Variants in DCAKD observed in about 807,000 individuals in gnomAD.
DCAKD encodes the protein dephospho-CoA kinase domain containing.
DCAKD carries 15 observed loss-of-function variants against 18.7 expected under a neutral mutation model. The observed-to-expected ratio is 0.80, with a 90% confidence interval of 0.54 to 1.24. The LOEUF (loss-of-function observed/expected upper bound fraction) is 1.24, where lower values mean the gene tolerates loss of function less well. Among genes scored for constraint, DCAKD ranks in the 50% most tolerant of loss-of-function variants. The probability of loss-of-function intolerance (pLI) is 0.00; values close to 1 mark genes in which losing one functional copy is unlikely to be tolerated. For missense variants in DCAKD, 301 were observed against 322.0 expected, an observed-to-expected ratio of 0.93 and a Z score of 0.50; for synonymous variants, 130 against 133.0, an observed-to-expected ratio of 0.98 and a Z score of 0.16.
chr17:45,036,660 GA>G lies in DCAKD; in HGVS notation c.-114-1662del, dbSNP rs538393645. 7.0e-4 allele frequency among the ~76,000 whole-genome samples: 101 copies of G among 144,728 alleles called. 2 individuals are homozygous for G. The South Asian group carries it at 0.014, about 19-fold the overall frequency. 94.9% of individuals were successfully genotyped at this position (144,728 alleles called of 152,430 possible). On this transcript the variant is annotated intron_variant, in intron 1 of 4. Coordinates refer to ENST00000651974, the MANE Select transcript of DCAKD (RefSeq NM_001288655.2). ...CAGTTCCACTGCAAGGCATAGAAAG[GA>G]AAAAAAAAAAGACTTTCATGAAATC...
At chr17:45,031,407 G>A (rs1842100911) in intron 3 of DCAKD, 1 of 966,448 alleles carries the variant, frequency 1.0e-6, no homozygotes, top group African/African-American at 1.8e-5. Context: ...GCCCCCTTTT[G>A]TGTAAACCTC....
intron 1 of DCAKD, among the ~76,000 whole-genome samples, chr17:45,058,595 T>C (rs2053812778): frequency 6.6e-6 from 1 of 151,860 alleles, no homozygotes. Context: ...AATTTTTTTG[T>C]ATTTTCAGTA....
intron 1 of DCAKD, among the ~76,000 whole-genome samples, chr17:45,041,440 AGCTGAG>A (rs2053433918): frequency 6.6e-6 from 1 of 151,822 alleles, no homozygotes; most frequent in Non-Finnish European, 1.5e-5. Context: ...CCTCCCAAGC[AGCTGAG>A]GCTACAGGCG....
At chr17:45,056,726 T>C (rs1226563482) in intron 1 of DCAKD, among the ~76,000 whole-genome samples, 1 of 152,098 alleles carries the variant, frequency 6.6e-6, no homozygotes, top group African/African-American at 2.4e-5. Flanking sequence ...CCGCCTGCCT[T>C]GGCCTCCCAA....
At chr17:45,057,090 C>T (rs1369740346) in intron 1 of DCAKD, among the ~76,000 whole-genome samples, 4 of 152,092 alleles carry the variant, frequency 2.6e-5, no homozygotes, top group East Asian at 1.9e-4. Flanking sequence ...TATATAGAGA[C>T]GGGGCCTTGC....
chr17:45,034,968 G>A lies in DCAKD; in HGVS notation c.-83C>T, dbSNP rs2053261358. ...GAGAGCAGGGCAAGTGTGGCCGATG[G>A]GGGCGGTCCACCAGAGGAGTGCCAG... On this transcript the variant is annotated 5_prime_UTR_variant, in exon 2 of 5. Coordinates refer to ENST00000651974, the MANE Select transcript of DCAKD (RefSeq NM_001288655.2). 3 of 1,454,864 alleles carry A rather than the reference G, an allele frequency of 2.1e-6. No individual in the cohort carries two copies. The highest frequency in any genetic ancestry group is 1.4e-5 in the African/African-American group (1 of 71,820). The allele number at this position is 1,454,864 out of a possible 1,614,324, so 90.1% of individuals were successfully genotyped here.
intron 3 of DCAKD, chr17:45,031,573 A>G: frequency 7.1e-6 from 7 of 985,350 alleles, no homozygotes; most frequent in Non-Finnish European, 8.4e-6. Context: ...GGAGGCCAAC[A>G]GTGTGGTGCG....
chr17:45,060,674 G>A (rs2053840209), intron 1 of DCAKD, among the ~76,000 whole-genome samples: 1 of 152,230 alleles, frequency 6.6e-6, no homozygotes. Flanking sequence ...TAGCAGTGTG[G>A]TCTCCTGGCT....
At position 45,049,713 on chromosome 17, in the gene DCAKD, CTTTTT is replaced by C. The variant is rs57106886; in HGVS notation, c.-115+1643_-115+1647del. ...AGCAGGTAATTTTCTTTTTCTTTTC[CTTTTT>C]TTTTTTTTTTTTTTTTTTGAAACAG... On this transcript the variant is annotated intron_variant, in intron 1 of 4. Transcript: ENST00000651974. Among the ~76,000 whole-genome samples, 618 of 111,874 alleles carry C rather than the reference CTTTTT, an allele frequency of 5.5e-3. 2 individuals carry two copies. Among genetic ancestry groups the C allele is most frequent in the Non-Finnish European group, 8.3e-3 (478 of 57,360 alleles). 73.4% of individuals were successfully genotyped at this position (111,874 alleles called of 152,430 possible).
chr17:45,053,030 G>A (rs2053738200), upstream of DCAKD, among the ~76,000 whole-genome samples: 1 of 148,862 alleles, frequency 6.7e-6, no homozygotes, highest in Admixed American at 6.7e-5. Flanking sequence ...GGGCGTGGTG[G>A]TGAATGCCTG....
chr17:45,052,639 G>A (rs1423519328), upstream of DCAKD, among the ~76,000 whole-genome samples: 1 of 151,260 alleles, frequency 6.6e-6, no homozygotes, highest in Non-Finnish European at 1.5e-5. Context: ...AGGATCACTT[G>A]AGCCCAGGAG....
At chr17:45,039,923 T>C (rs986602195) in intron 1 of DCAKD, among the ~76,000 whole-genome samples, 8 of 152,036 alleles carry the variant, frequency 5.3e-5, no homozygotes, top group Admixed American at 3.3e-4. Flanking sequence ...CGAAACCCCA[T>C]CTCTACTAAA....
chr17:45,037,601 T>C (rs548538091), intron 1 of DCAKD, among the ~76,000 whole-genome samples: 1 of 151,556 alleles, frequency 6.6e-6, no homozygotes, highest in African/African-American at 2.4e-5. Flanking sequence ...TGGGATTACA[T>C]GCAGCCGTCA....
At chr17:45,029,459 C>T (rs2053129540) in intron 4 of DCAKD, among the ~76,000 whole-genome samples, 1 of 152,186 alleles carries the variant, frequency 6.6e-6, no homozygotes, top group Non-Finnish European at 1.5e-5. Context: ...CAGAGATACC[C>T]TGCGGACTCA....
At chr17:45,031,166 C>T (rs955946349) in intron 3 of DCAKD, 2 of 985,310 alleles carry the variant, frequency 2.0e-6, no homozygotes, top group Non-Finnish European at 2.4e-6. Context: ...CAGAACCAGA[C>T]ACACATCACA....
intron 1 of DCAKD, among the ~76,000 whole-genome samples, chr17:45,038,071 TTTTTC>T (rs147559728): frequency 0.051 from 7,737 of 151,208 alleles, 608 homozygotes; most frequent in African/African-American, 0.18. Context: ...GCCTGGCCTT[TTTTTC>T]TTTTCTTTTC....
At chr17:45,027,403 A>C (rs2053077230) in intron 4 of DCAKD, among the ~76,000 whole-genome samples, 1 of 152,264 alleles carries the variant, frequency 6.6e-6, no homozygotes. Context: ...TTTCAAATGC[A>C]CCAGGGGTAG....
intron 1 of DCAKD, among the ~76,000 whole-genome samples, chr17:45,060,080 G>T (rs1491002064): frequency 1.3e-5 from 2 of 152,118 alleles, no homozygotes; most frequent in South Asian, 4.1e-4. Flanking sequence ...CTCCAGCCTG[G>T]GAGTCAGAGA....
At chr17:45,037,767 C>CTTT (rs1379583192) in intron 1 of DCAKD, among the ~76,000 whole-genome samples, 1 of 110,898 alleles carries the variant, frequency 9.0e-6, no homozygotes, top group Non-Finnish European at 2.0e-5. Flanking sequence ...GCTTCAAGAG[C>CTTT]TTTTTTTTTT....
Sources: gnomAD v4.1 joint callset for allele counts (sites outside exome capture counted in the v4.1 genomes callset) on GRCh38, gnomAD v4.1.1 for gene constraint, MANE v1.5 for transcripts, NCBI Gene and HGNC (gene_info 2026-07-23, HGNC 2026-07-21) for gene names.